RBFOX1: variants seen among roughly 807,000 people sequenced by gnomAD.
RBFOX1 encodes the protein RNA binding protein fox-1 homolog 1.
A neutral mutation model predicts 57.7 loss-of-function variants in RBFOX1; 8 were observed. That is an observed-to-expected ratio of 0.14 (90% CI 0.08 to 0.25). The LOEUF (loss-of-function observed/expected upper bound fraction) is 0.25. Ranked by LOEUF, RBFOX1 falls within the 10% of genes least tolerant of loss-of-function variation. The pLI is 1.00. For synonymous variants in RBFOX1, 326 were observed against 222.4 expected, an observed-to-expected ratio of 1.47 and a Z score of -4.15; for missense variants, 611 against 548.5, an observed-to-expected ratio of 1.11 and a Z score of -1.14.
Position 7,394,793 on chromosome 16 carries a change from A to G in RBFOX1, c.28-123354A>G, listed in dbSNP as rs752226888. Among the ~76,000 whole-genome samples the G allele has an allele frequency of 4.6e-5, 7 of 152,134 alleles. No homozygotes were observed. In the South Asian group the frequency reaches 8.3e-4, roughly 18 times the overall value. ...TCACTCTTTTTTCCTGGTATAAATG[A>G]TCAGATCGCTGCTGCAGACTCATCC... On this transcript the variant is annotated intron_variant, in intron 4 of 15. Transcript: ENST00000550418.
chr16:7,235,541 G>A (rs1420456432), intron 4 of RBFOX1, among the ~76,000 whole-genome samples: 1 of 152,192 alleles, frequency 6.6e-6, no homozygotes. Flanking sequence ...CATCGCTTAT[G>A]TACATTGAAT....
intron 3 of RBFOX1, among the ~76,000 whole-genome samples, chr16:6,952,999 T>G (rs1040549894): frequency 2.0e-5 from 3 of 152,032 alleles, no homozygotes; most frequent in Admixed American, 2.0e-4. Flanking sequence ...TGTCATTGTT[T>G]GAACTATACA....
chr16:7,334,103 A>G (rs1382244122), intron 4 of RBFOX1, among the ~76,000 whole-genome samples: 2 of 152,234 alleles, frequency 1.3e-5, no homozygotes, highest in East Asian at 3.9e-4. Context: ...TCTGGGAACC[A>G]TTCTGGTCAC....
intron 2 of RBFOX1, among the ~76,000 whole-genome samples, chr16:5,528,981 C>G (rs1233786811): frequency 6.6e-6 from 1 of 151,994 alleles, no homozygotes; most frequent in Non-Finnish European, 1.5e-5. Context: ...TACTCATAAA[C>G]CTGATTCTCA....
At chr16:6,164,279 A>G (rs886326209) in intron 1 of RBFOX1, among the ~76,000 whole-genome samples, 6 of 152,190 alleles carry the variant, frequency 3.9e-5, no homozygotes, top group Non-Finnish European at 2.9e-5. Context: ...CTAGATTTTT[A>G]AAAATATAAG....
intron 3 of RBFOX1, among the ~76,000 whole-genome samples, chr16:6,758,677 C>T (rs1424879659): frequency 6.6e-6 from 1 of 152,136 alleles, no homozygotes; most frequent in East Asian, 1.9e-4. Context: ...GACACACCAC[C>T]AATTTAGTAA....
chr16:7,402,320 A>G (rs186175890), intron 4 of RBFOX1, among the ~76,000 whole-genome samples: 122 of 152,332 alleles, frequency 8.0e-4, no homozygotes, highest in Middle Eastern at 3.4e-3. Flanking sequence ...TTTTGAAGTG[A>G]AAAGTAGTAA....
chr16:6,375,572 C>A (rs1283347834), intron 2 of RBFOX1, among the ~76,000 whole-genome samples: 1 of 152,076 alleles, frequency 6.6e-6, no homozygotes, highest in African/African-American at 2.4e-5. Flanking sequence ...TAGGAAAAGA[C>A]CCCTGTGGAT....
chr16:6,176,967 G>A (rs1210769717), intron 1 of RBFOX1, among the ~76,000 whole-genome samples: 1 of 152,186 alleles, frequency 6.6e-6, no homozygotes, highest in African/African-American at 2.4e-5. Flanking sequence ...TGTCTTGGTT[G>A]TTGGCGTTGA....
intron 14 of RBFOX1, among the ~76,000 whole-genome samples, chr16:7,702,521 A>T (rs985856067): frequency 2.0e-5 from 3 of 152,220 alleles, no homozygotes; most frequent in Non-Finnish European, 4.4e-5. Context: ...AAATGCCCAT[A>T]ACAGTTTATG....
chr16:7,183,680 G>T (rs889654501), intron 4 of RBFOX1, among the ~76,000 whole-genome samples: 1 of 152,100 alleles, frequency 6.6e-6, no homozygotes, highest in Non-Finnish European at 1.5e-5. Flanking sequence ...GATATCTTCA[G>T]GCAGAAATTT....
At chr16:6,930,986 T>C (rs964180882) in intron 3 of RBFOX1, among the ~76,000 whole-genome samples, 2 of 152,090 alleles carry the variant, frequency 1.3e-5, no homozygotes, top group African/African-American at 2.4e-5. Context: ...TATGTACTTA[T>C]TTCCTATCTT....
At chr16:7,183,584 AT>A (rs111797527) in intron 4 of RBFOX1, among the ~76,000 whole-genome samples, 4,927 of 152,126 alleles carry the variant, frequency 0.032, 269 homozygotes, top group African/African-American at 0.11. Flanking sequence ...ACATGTGTGT[AT>A]TTTTTTTCCA....
chr16:7,026,169 C>G (rs1443191587), intron 3 of RBFOX1, among the ~76,000 whole-genome samples: 1 of 152,112 alleles, frequency 6.6e-6, no homozygotes, highest in Non-Finnish European at 1.5e-5. Context: ...TCCCTTAAAC[C>G]CAACTTCTTG....
At chr16:7,633,956 G>C (rs909611109) in intron 11 of RBFOX1, among the ~76,000 whole-genome samples, 1 of 152,182 alleles carries the variant, frequency 6.6e-6, no homozygotes, top group East Asian at 1.9e-4. Context: ...TCCTGCAACA[G>C]GTCAGCTGGC....
At chr16:7,406,322 A>T (rs1275467609) in intron 4 of RBFOX1, among the ~76,000 whole-genome samples, 2 of 152,174 alleles carry the variant, frequency 1.3e-5, no homozygotes. Flanking sequence ...AATAATGTTG[A>T]GTGGGATTAC....
intron 3 of RBFOX1, among the ~76,000 whole-genome samples, chr16:5,721,698 G>A (rs2051941329): frequency 6.6e-6 from 1 of 152,152 alleles, no homozygotes; most frequent in Admixed American, 6.5e-5. Flanking sequence ...TTTGCCAAAT[G>A]CTTTCTCTGC....
At chr16:6,755,156 A>G (rs943186468) in intron 3 of RBFOX1, among the ~76,000 whole-genome samples, 25 of 152,192 alleles carry the variant, frequency 1.6e-4, no homozygotes, top group Non-Finnish European at 3.1e-4. Context: ...ATAGTGCCGC[A>G]ATAAACATAC....
intron 4 of RBFOX1, among the ~76,000 whole-genome samples, chr16:7,472,384 A>C (rs2061723383): frequency 6.6e-6 from 1 of 152,046 alleles, no homozygotes; most frequent in Non-Finnish European, 1.5e-5. Flanking sequence ...ACCCTCTTGC[A>C]GTGTCACACA....
Sources: gnomAD v4.1 joint callset for allele counts (sites outside exome capture counted in the v4.1 genomes callset) on GRCh38, gnomAD v4.1.1 for gene constraint, MANE v1.5 for transcripts, NCBI Gene and HGNC (gene_info 2026-07-23, HGNC 2026-07-21) for gene names.